The following ASXL2 variants were observed in gnomAD, a reference collection of about 807,000 sequenced individuals.
The protein encoded by ASXL2 is putative Polycomb group protein ASXL2.
A neutral mutation model predicts 122.0 loss-of-function variants in ASXL2; 23 were observed. That is an observed-to-expected ratio of 0.19 (90% CI 0.14 to 0.27). The LOEUF (loss-of-function observed/expected upper bound fraction) is 0.27. Ranked by LOEUF, ASXL2 falls within the 10% of genes least tolerant of loss-of-function variation. ASXL2 has a pLI of 1.00. For missense variants in ASXL2, 1,518 were observed against 1,713.8 expected (o/e 0.89, Z 2.02); for synonymous variants, 650 against 637.0 (o/e 1.02, Z -0.31).
intron 1 of ASXL2, among the ~76,000 whole-genome samples, chr2:25,847,764 T>C (rs2089665872): frequency 6.6e-6 from 1 of 152,196 alleles, no homozygotes; most frequent in Non-Finnish European, 1.5e-5. Context: ...CTGAAGTACT[T>C]ACGGATGAAA....
At chr2:25,874,319 T>C (rs1374056886) in intron 1 of ASXL2, among the ~76,000 whole-genome samples, 1 of 152,092 alleles carries the variant, frequency 6.6e-6, no homozygotes, top group African/African-American at 2.4e-5. Flanking sequence ...CGAAACCCCA[T>C]CTCTACAAAA....
chr2:25,782,159 T>C (rs2088653511), intron 5 of ASXL2, among the ~76,000 whole-genome samples: 1 of 151,934 alleles, frequency 6.6e-6, no homozygotes, highest in African/African-American at 2.4e-5. Context: ...CAAAATCGTA[T>C]CATCTGAAAA....
rs1413371430 is a variant in ASXL2, at chr2:25,737,861, G to C, written c.*4168C>G. The C allele has an allele frequency of 6.6e-6, 1 of 152,068 alleles. No individual in the cohort carries two copies. Among genetic ancestry groups the C allele is most frequent in the Non-Finnish European group, 1.5e-5 (1 of 68,014 alleles). 9.4% of individuals were successfully genotyped at this position (152,068 alleles called of 1,614,324 possible). On this transcript the variant is annotated 3_prime_UTR_variant, in exon 13 of 13. Coordinates refer to ENST00000435504, the MANE Select transcript of ASXL2 (RefSeq NM_018263.6). ...AAATGGTGTTGACACCAACTTCTCT[G>C]TACATACCCTCAATTCCAATGTTAA...
chr2:25,871,686 G>C (rs1037240576), intron 1 of ASXL2, among the ~76,000 whole-genome samples: 2 of 152,196 alleles, frequency 1.3e-5, no homozygotes, highest in South Asian at 4.1e-4. Flanking sequence ...CCGCCTCCCG[G>C]GTTCAAGTGA....
Position 25,762,665 on chromosome 2 carries a change from G to GAAA in ASXL2, c.776-3023_776-3021dup, listed in dbSNP as rs60065368. Reference sequence around the variant, plus strand: ...GGGTGACAGAGCGAGACTCTTTCTCGAAAAAAAAAAAAAAAAAAAAAAAAG... The same window carrying GAAA: ...GGGTGACAGAGCGAGACTCTTTCTCGAAAAAAAAAAAAAAAAAAAAAAAAAAAG... On this transcript the variant is annotated intron_variant, in intron 8 of 12. Transcript: ENST00000435504. Among the ~76,000 whole-genome samples the GAAA allele has an allele frequency of 6.1e-4, 21 of 34,256 alleles. 1 individual carries two copies. Among genetic ancestry groups the GAAA allele is most frequent in the African/African-American group, 7.4e-4 (5 of 6,736 alleles). 22.5% of individuals were successfully genotyped at this position (34,256 alleles called of 152,430 possible).
At chr2:25,762,219 T>G (rs767021827) in intron 8 of ASXL2, among the ~76,000 whole-genome samples, 1 of 150,602 alleles carries the variant, frequency 6.6e-6, no homozygotes, top group Non-Finnish European at 1.5e-5. Flanking sequence ...GTGGTACCAT[T>G]TAAGGAATCA....
At position 25,743,868 on chromosome 2, in the gene ASXL2, C is replaced by A; in HGVS notation, c.2469G>T (p.Gly823=). 1 of 1,613,974 alleles carries A rather than the reference C, an allele frequency of 6.2e-7. No homozygotes were observed. The highest frequency in any genetic ancestry group is 1.1e-5 in the South Asian group (1 of 91,084). The change falls in exon 13 of 13, where the codon GGG becomes GGT. Residue 823 remains glycine, a synonymous_variant. Transcript: ENST00000435504. ...ATVASVSHPQ[G]PSSCRQEKAP... ...CTTTCTCCTGTCTGCAACTACTGGG[C>A]CCTTGTGGATGGCTGACAGAGGCCA...
At chr2:25,757,726 A>G (rs548709254) in intron 9 of ASXL2, among the ~76,000 whole-genome samples, 2 of 148,564 alleles carry the variant, frequency 1.3e-5, no homozygotes, top group South Asian at 2.1e-4. Context: ...ATTGCACTCT[A>G]TGGGAAAATG....
At chr2:25,776,377 T>C (rs2088546514) in intron 5 of ASXL2, among the ~76,000 whole-genome samples, 1 of 152,250 alleles carries the variant, frequency 6.6e-6, no homozygotes, top group Non-Finnish European at 1.5e-5. Context: ...TTCCATTGCA[T>C]GCTTATGTCA....
Position 25,743,800 on chromosome 2 carries a change from G to C in ASXL2, c.2537C>G (p.Pro846Arg). The change falls in exon 13 of 13, where the codon CCT becomes CGT. Residue 846 changes from proline to arginine, a missense_variant. Physicochemically the swap from Pro to Arg is moderately radical, Grantham distance 103. Coordinates refer to ENST00000435504, the MANE Select transcript of ASXL2 (RefSeq NM_018263.6). Reference protein sequence around the residue: ...TGPALISGASPVHCAADGTVE... With the variant: ...TGPALISGASRVHCAADGTVE... ...TGTGCCATCAGCTGCACAATGAACA[G>C]GTGAGGCACCTGAGATTAGAGCAGG... 1 of 1,614,028 alleles carries C rather than the reference G, an allele frequency of 6.2e-7. No homozygotes were observed. The highest frequency in any genetic ancestry group is 8.5e-7 in the Non-Finnish European group (1 of 1,179,898).
intron 6 of ASXL2, among the ~76,000 whole-genome samples, chr2:25,770,803 T>G (rs1463639749): frequency 6.6e-6 from 1 of 152,194 alleles, no homozygotes; most frequent in East Asian, 1.9e-4. Flanking sequence ...GAAAAATCTA[T>G]GTGATCATCT....
At chr2:25,784,923 TG>T (rs1458485066) in intron 5 of ASXL2, among the ~76,000 whole-genome samples, 1 of 152,252 alleles carries the variant, frequency 6.6e-6, no homozygotes, top group Non-Finnish European at 1.5e-5. Flanking sequence ...GCATAACACT[TG>T]TTTTTATTTA....
intron 1 of ASXL2, among the ~76,000 whole-genome samples, chr2:25,876,319 AT>A (rs1288699452): frequency 1.3e-5 from 2 of 152,170 alleles, no homozygotes; most frequent in Non-Finnish European, 2.9e-5. Flanking sequence ...ATGCAGACTA[AT>A]TTTTCCTATT....
chr2:25,822,010 G>A (rs1026903626), intron 3 of ASXL2, among the ~76,000 whole-genome samples: 1 of 152,138 alleles, frequency 6.6e-6, no homozygotes, highest in African/African-American at 2.4e-5. Flanking sequence ...GTTATCTGGC[G>A]AACTAAAGAT....
intron 3 of ASXL2, among the ~76,000 whole-genome samples, chr2:25,823,319 G>A (rs1045135559): frequency 1.3e-5 from 2 of 152,076 alleles, no homozygotes; most frequent in African/African-American, 2.4e-5. Context: ...CTCAGCTTAC[G>A]GAAAGAGAAC....
chr2:25,753,606 C>T lies in ASXL2; in HGVS notation c.1070G>A (p.Arg357Gln), dbSNP rs745309241. ...EFTPEMQVRI[R>Q]QEIEKEKKVE... ...TTTTTTCTCCTTCTCAATCTCTTGT[C>T]GAATTCTCACCTGCATCTCAGGTGT... Residue 357 changes from arginine (R) to glutamine (Q), a missense_variant, in exon 11 of 13, where the codon CGA (arginine) becomes CAA (glutamine). Transcript: ENST00000435504. 4.3e-6 allele frequency: 7 copies of T among 1,613,632 alleles called. No individual in the cohort carries two copies. Among genetic ancestry groups the T allele is most frequent in the Non-Finnish European group, 5.1e-6 (6 of 1,179,804 alleles).
chr2:25,772,606 C>T (rs1342271374), intron 5 of ASXL2, among the ~76,000 whole-genome samples: 1 of 151,724 alleles, frequency 6.6e-6, no homozygotes, highest in Admixed American at 6.6e-5. Context: ...TGGTGTATGC[C>T]TGTAATCCCA....
chr2:25,840,814 A>C (rs1053606934), intron 2 of ASXL2, among the ~76,000 whole-genome samples: 4 of 152,234 alleles, frequency 2.6e-5, no homozygotes, highest in African/African-American at 7.2e-5. Context: ...TTTTAAAATC[A>C]AACAAAAATG....
intron 12 of ASXL2, among the ~76,000 whole-genome samples, chr2:25,745,937 C>T (rs1233290816): frequency 2.6e-5 from 4 of 152,076 alleles, no homozygotes; most frequent in South Asian, 4.1e-4. Flanking sequence ...TGAGCCACCA[C>T]GCCTGGCTGA....
Sources: gnomAD v4.1 joint callset for allele counts (sites outside exome capture counted in the v4.1 genomes callset) on GRCh38, gnomAD v4.1.1 for gene constraint, MANE v1.5 for transcripts, NCBI Gene and HGNC (gene_info 2026-07-23, HGNC 2026-07-21) for gene names.